IKBIP: variants seen among roughly 807,000 people sequenced by gnomAD.
The protein encoded by IKBIP is inhibitor of nuclear factor kappa-B kinase-interacting protein.
In IKBIP, 28 loss-of-function variants were observed where a neutral mutation model predicts 31.0. That is an observed-to-expected ratio of 0.90 (90% CI 0.67 to 1.24). IKBIP has a LOEUF of 1.24. IKBIP is among the 50% of genes most tolerant of loss of function. IKBIP has a pLI of 0.00. For synonymous variants in IKBIP, 164 were observed against 160.3 expected (o/e 1.02, Z -0.17); for missense variants, 453 against 441.9 (o/e 1.03, Z -0.23).
chr12:98,624,170 A>T (rs972633539), downstream of IKBIP: 6 of 563,914 alleles, frequency 1.1e-5, no homozygotes, highest in African/African-American at 4.9e-5. Context: ...TGAGAAAAAA[A>T]TATTTAAACG....
intron 2 of IKBIP, among the ~76,000 whole-genome samples, chr12:98,628,915 G>C (rs753026109): frequency 6.6e-6 from 1 of 152,142 alleles, no homozygotes; most frequent in Non-Finnish European, 1.5e-5. Flanking sequence ...TATAAGTAGC[G>C]TCACAAAAGA....
At chr12:98,634,539 T>TG in intron 1 of IKBIP, 126 bp from the exon 2 acceptor site, 1 of 540,498 alleles carries the variant, frequency 1.9e-6, no homozygotes, top group East Asian at 3.2e-5. Context: ...TGTAGGTTTT[T>TG]TTTTTTTTTT....
intron 2 of IKBIP, among the ~76,000 whole-genome samples, chr12:98,632,898 G>T (rs537919225): frequency 6.6e-6 from 1 of 152,160 alleles, no homozygotes; most frequent in African/African-American, 2.4e-5. Context: ...AAAGTGCTGG[G>T]ATTACAGGCA....
Position 98,626,579 on chromosome 12 carries a change from C to T in IKBIP, c.485G>A (p.Ser162Asn), listed in dbSNP as rs760259185. 7 of 1,613,504 alleles carry T rather than the reference C, an allele frequency of 4.3e-6. No individual in the cohort carries two copies. The East Asian group carries it at 1.6e-4, about 36-fold the overall frequency. ...FQNITDFWKR[S>N]LEEMNINTDI... ...TGTATTAATGTTCATTTCTTCTAGGCTTCTCTTCCAGAAATCCGTAATATT... is the reference window on the plus strand; with the variant it reads ...TGTATTAATGTTCATTTCTTCTAGGTTTCTCTTCCAGAAATCCGTAATATT... The change falls in exon 3 of 3, where the codon AGC (serine) becomes AAC (asparagine). Residue 162 changes from serine to asparagine, a missense_variant. Physicochemically the swap from Ser to Asn is conservative, Grantham distance 46 (BLOSUM62 1). Transcript: ENST00000299157.
At chr12:98,632,895 T>C (rs932445718) in intron 2 of IKBIP, among the ~76,000 whole-genome samples, 2 of 152,128 alleles carry the variant, frequency 1.3e-5, no homozygotes, top group Non-Finnish European at 2.9e-5. Context: ...CCCAAAGTGC[T>C]GGGATTACAG....
downstream of IKBIP, among the ~76,000 whole-genome samples, chr12:98,619,552 C>T (rs145581902): frequency 2.8e-3 from 419 of 152,210 alleles, 1 homozygote; most frequent in Middle Eastern, 0.014. Context: ...AAAATTACTT[C>T]GGGTTTGGTT....
chr12:98,627,396 T>C (rs2097615571), intron 2 of IKBIP, among the ~76,000 whole-genome samples: 1 of 152,042 alleles, frequency 6.6e-6, no homozygotes. Flanking sequence ...ATTTCCTCCT[T>C]TTAACTCTAA....
At chr12:98,638,676 C>G (rs1360481512) in intron 1 of IKBIP, among the ~76,000 whole-genome samples, 2 of 152,162 alleles carry the variant, frequency 1.3e-5, no homozygotes, top group Admixed American at 1.3e-4. Flanking sequence ...CCTTGAACTC[C>G]TGGGCTCAAG....
At chr12:98,613,818 C>T in exon 3 of IKBIP, 1 of 1,610,182 alleles carries the variant, frequency 6.2e-7, no homozygotes. Context: ...GCAAAAGTCA[C>T]TGTCTTCAGA....
intron 1 of IKBIP, among the ~76,000 whole-genome samples, chr12:98,643,936 C>T (rs1171234481): frequency 6.6e-6 from 1 of 151,664 alleles, no homozygotes; most frequent in African/African-American, 2.4e-5. Context: ...CTGCCTCAGC[C>T]TCCGGAGGAA....
At position 98,626,220 on chromosome 12, in the gene IKBIP, A is replaced by T; in HGVS notation, c.844T>A (p.Ser282Thr). The T allele has an allele frequency of 6.2e-7, 1 of 1,614,192 alleles. No homozygotes were observed. The highest frequency in any genetic ancestry group is 2.2e-5 in the East Asian group (1 of 44,880). The change falls in exon 3 of 3, where the codon TCT (serine) becomes ACT (threonine). Residue 282 changes from serine to threonine, a missense_variant. Ser to Thr is a moderately conservative substitution (Grantham distance 58, BLOSUM62 1). Transcript: ENST00000299157. ...AGATCCTGAGAGACTCTGAGAACAGAGTGAATAGCACTTTCAATTGTTGGC... is the reference window on the plus strand; with the variant it reads ...AGATCCTGAGAGACTCTGAGAACAGTGTGAATAGCACTTTCAATTGTTGGC... Reference protein sequence around the residue: ...HLPTIESAIHSVLRVSQDLIE... With the variant: ...HLPTIESAIHTVLRVSQDLIE...
rs535150586 is a variant in IKBIP, at chr12:98,634,059, A to G, written c.297+237T>C. On this transcript the variant is annotated intron_variant, in intron 2 of 2. Coordinates refer to ENST00000299157, the MANE Select transcript of IKBIP (RefSeq NM_153687.4). The stretch of plus-strand genomic sequence containing the variant: ...AGAAAATTAACATCATGCTAATATG[A>G]ACAAATTGGTCTTTTTCAATACTAG... Among the ~76,000 whole-genome samples, 128 of 152,314 alleles carry G rather than the reference A, an allele frequency of 8.4e-4. 2 individuals are homozygous for G. Among genetic ancestry groups the G allele is most frequent in the African/African-American group, 2.7e-3 (112 of 41,558 alleles).
chr12:98,621,874 G>A (rs1337505799), downstream of IKBIP, among the ~76,000 whole-genome samples: 3 of 151,806 alleles, frequency 2.0e-5, no homozygotes, highest in Non-Finnish European at 4.4e-5. Context: ...TCAAGAGATC[G>A]AGACCATCCT....
At chr12:98,630,936 T>C (rs1176051690) in intron 2 of IKBIP, among the ~76,000 whole-genome samples, 2 of 39,256 alleles carry the variant, frequency 5.1e-5, no homozygotes, top group Non-Finnish European at 8.9e-5. Flanking sequence ...TTTTTTCTTT[T>C]CATTTTTTTT....
intron 2 of IKBIP, among the ~76,000 whole-genome samples, chr12:98,618,625 CAA>C (rs78129850): frequency 9.5e-5 from 12 of 126,802 alleles, no homozygotes; most frequent in Admixed American, 1.6e-4. Context: ...GACTCTGTCT[CAA>C]AAAAAAAAAA....
chr12:98,638,023 A>G (rs1369379017), intron 1 of IKBIP, among the ~76,000 whole-genome samples: 2 of 152,214 alleles, frequency 1.3e-5, no homozygotes, highest in Non-Finnish European at 2.9e-5. Context: ...ATGAGAGTGA[A>G]AAACAAGCAA....
At chr12:98,630,821 G>A (rs2097619401) in intron 2 of IKBIP, among the ~76,000 whole-genome samples, 2 of 152,178 alleles carry the variant, frequency 1.3e-5, no homozygotes, top group East Asian at 1.9e-4. Flanking sequence ...CCCTCCATCT[G>A]GGTTATGCTG....
chr12:98,644,647 C>T lies in IKBIP; in HGVS notation c.55G>A (p.Glu19Lys). The change falls in exon 1 of 3, where the codon GAG becomes AAG. Residue 19 changes from glutamate to lysine, a missense_variant. Glu to Lys is a moderately conservative substitution (Grantham distance 56). Coordinates refer to ENST00000299157, the MANE Select transcript of IKBIP (RefSeq NM_153687.4). Reference sequence around the variant, plus strand: ...CCGCCCTCGCTCCGCTTCCCGGGCTCCGCAGCAGGGGCTCCCTTGGGCCCC... The same window carrying T: ...CCGCCCTCGCTCCGCTTCCCGGGCTTCGCAGCAGGGGCTCCCTTGGGCCCC... ...KSGPKGAPAA[E>K]PGKRSEGGKT... 6.2e-7 allele frequency: 1 copy of T among 1,611,248 alleles called. No homozygotes were observed. Among genetic ancestry groups the T allele is most frequent in the East Asian group, 2.2e-5 (1 of 44,748 alleles).
intron 2 of IKBIP, among the ~76,000 whole-genome samples, chr12:98,614,841 G>C (rs2097605391): frequency 6.6e-6 from 1 of 152,174 alleles, no homozygotes; most frequent in Non-Finnish European, 1.5e-5. Context: ...TAATGAATAA[G>C]AAGGAAACAT....
Sources: gnomAD v4.1 joint callset for allele counts (sites outside exome capture counted in the v4.1 genomes callset) on GRCh38, gnomAD v4.1.1 for gene constraint, MANE v1.5 for transcripts, NCBI Gene and HGNC (gene_info 2026-07-23, HGNC 2026-07-21) for gene names.